NDUFC1: variants seen among roughly 807,000 people sequenced by gnomAD.
NDUFC1 encodes the protein NADH dehydrogenase [ubiquinone] 1 subunit C1, mitochondrial.
In NDUFC1, 11 loss-of-function variants were observed where a neutral mutation model predicts 11.6. That is an observed-to-expected ratio of 0.95 (90% CI 0.60 to 1.58). The LOEUF is 1.58. NDUFC1 is among the 40% of genes most tolerant of loss of function. The pLI, the probability that NDUFC1 is intolerant of heterozygous loss-of-function variation, is 0.00. For synonymous variants in NDUFC1, 52 were observed against 42.2 expected (o/e 1.23, Z -0.90); for missense variants, 112 against 93.0 (o/e 1.20, Z -0.84).
intron 3 of NDUFC1, among the ~76,000 whole-genome samples, chr4:139,295,516 T>G (rs553386306): frequency 6.6e-6 from 1 of 151,570 alleles, no homozygotes; most frequent in East Asian, 1.9e-4. Flanking sequence ...AGGCCAAGAG[T>G]GGTCAGGTTG....
chr4:139,292,563 T>C lies in NDUFC1; in HGVS notation c.218A>G (p.Asn73Ser). Residue 73 changes from asparagine (N) to serine (S), a missense_variant, in exon 5 of 6, where the codon AAT (asparagine) becomes AGT (serine). Transcript: ENST00000394223. Reference sequence around the variant, plus strand: ...TGTTTCAAAAGTTTATTCCAGCCCATTTCTTCTTTTGTACTCTAAAATATC... The same window carrying C: ...TGTTTCAAAAGTTTATTCCAGCCCACTTCTTCTTTTGTACTCTAAAATATC... ...NEDILEYKRR[N>S]GLE 6.4e-7 allele frequency: 1 copy of C among 1,564,180 alleles called. No individual in the cohort carries two copies. The highest frequency in any genetic ancestry group is 8.8e-7 in the Non-Finnish European group (1 of 1,140,996).
chr4:139,300,896 A>C (rs1056660915), intron 1 of NDUFC1: 7 of 152,238 alleles, frequency 4.6e-5, no homozygotes, highest in African/African-American at 1.2e-4. Context: ...TTGGCAGTGC[A>C]AATATGTCAC....
At chr4:139,293,196 G>T (rs1011270771) in intron 4 of NDUFC1, among the ~76,000 whole-genome samples, 1 of 152,180 alleles carries the variant, frequency 6.6e-6, no homozygotes, top group Non-Finnish European at 1.5e-5. Flanking sequence ...GGCTTATCAT[G>T]AAGGGGTAAA....
rs3806765 is a variant in NDUFC1, at chr4:139,301,383, A to G, written c.-222+1033T>C. 102,585 of 418,300 alleles carry G rather than the reference A, an allele frequency of 0.25. 13,365 individuals are homozygous for G. The highest frequency in any genetic ancestry group is 0.35 in the African/African-American group (17,275 of 48,792). 25.9% of individuals were successfully genotyped at this position (418,300 alleles called of 1,614,324 possible). A position where few individuals can be genotyped will look rare whatever the true frequency, so the allele number is the denominator to read the frequency against. ...CCCGACCCTCCCGGCCTCCACAGGC[A>G]GGCCAGCCTCCAGGTTTCCCGGCAA... On this transcript the variant is annotated intron_variant, in intron 1 of 5. Coordinates refer to ENST00000394223, the MANE Select transcript of NDUFC1 (RefSeq NM_001184989.2).
intron 4 of NDUFC1, 128 bp from the exon 5 acceptor site, chr4:139,292,737 G>T (rs1745283834): frequency 8.5e-6 from 4 of 472,130 alleles, no homozygotes; most frequent in Non-Finnish European, 1.4e-5. Context: ...AGATCCAAAA[G>T]TTCAAAAACC....
chr4:139,297,989 G>T (rs1745536052), intron 1 of NDUFC1, among the ~76,000 whole-genome samples: 1 of 151,912 alleles, frequency 6.6e-6, no homozygotes, highest in Non-Finnish European at 1.5e-5. Context: ...AAGATCGCTT[G>T]GACCTGGGAG....
At chr4:139,293,852 C>A (rs780185625) in intron 4 of NDUFC1, among the ~76,000 whole-genome samples, 3 of 150,412 alleles carry the variant, frequency 2.0e-5, no homozygotes, top group Non-Finnish European at 4.4e-5. Flanking sequence ...TTATCTGTAA[C>A]GGGTCAACAA....
chr4:139,292,444 C>T lies in NDUFC1; in HGVS notation c.*20+86G>A, dbSNP rs549177753. 4.3e-5 allele frequency: 24 copies of T among 553,950 alleles called. 1 individual carries two copies. In the Admixed American group the frequency reaches 8.7e-4, roughly 20 times the overall value. The allele number at this position is 553,950 out of a possible 1,614,324, so 34.3% of individuals were successfully genotyped here. Reference sequence around the variant, plus strand: ...TAAAATGTATAAACCTAATACAAAACAAACAACAAGCTTGTTTTTCAGTAT... The same window carrying T: ...TAAAATGTATAAACCTAATACAAAATAAACAACAAGCTTGTTTTTCAGTAT... On this transcript the variant is annotated intron_variant, in intron 5 of 5. Transcript: ENST00000394223.
chr4:139,300,823 ACT>A (rs1214257332), intron 1 of NDUFC1: 3 of 152,264 alleles, frequency 2.0e-5, no homozygotes, highest in African/African-American at 7.2e-5. Context: ...CGGTCCGTCA[ACT>A]CTGCATTATA....
At chr4:139,297,888 A>G (rs1745533123) in intron 1 of NDUFC1, among the ~76,000 whole-genome samples, 1 of 152,252 alleles carries the variant, frequency 6.6e-6, no homozygotes, top group East Asian at 1.9e-4. Flanking sequence ...ACATAGGTAG[A>G]TAACTATCTC....
chr4:139,301,942 C>T, intron 1 of NDUFC1: 1 of 1,178,990 alleles, frequency 8.5e-7, no homozygotes, highest in Non-Finnish European at 1.2e-6. Flanking sequence ...GGGACCCCGC[C>T]TTCATAGCTC....
At chr4:139,292,701 A>C in intron 4 of NDUFC1, 92 bp from the exon 5 acceptor site, 1 of 771,218 alleles carries the variant, frequency 1.3e-6, no homozygotes, top group African/African-American at 1.8e-5. Flanking sequence ...ATAAACAACT[A>C]TTCTAGTTAG....
chr4:139,293,609 T>A (rs369581925), intron 4 of NDUFC1, among the ~76,000 whole-genome samples: 7 of 152,238 alleles, frequency 4.6e-5, no homozygotes, highest in Admixed American at 1.3e-4. Flanking sequence ...AAGTCAAAAA[T>A]CTGAACCACT....
chr4:139,299,713 A>G (rs1174976233), intron 1 of NDUFC1, among the ~76,000 whole-genome samples: 2 of 152,208 alleles, frequency 1.3e-5, no homozygotes, highest in Non-Finnish European at 2.9e-5. Flanking sequence ...GAATCAGACT[A>G]GTATTTGCCG....
At chr4:139,297,729 A>G (rs997230550) in intron 1 of NDUFC1, among the ~76,000 whole-genome samples, 1 of 152,142 alleles carries the variant, frequency 6.6e-6, no homozygotes, top group African/African-American at 2.4e-5. Context: ...AAAAATCCCT[A>G]TTTTTATTGA....
intron 2 of NDUFC1, among the ~76,000 whole-genome samples, 188 bp from the exon 3 acceptor site, chr4:139,296,148 G>A (rs535605151): frequency 3.9e-5 from 6 of 152,282 alleles, no homozygotes; most frequent in African/African-American, 1.4e-4. Context: ...TGAATTCTGT[G>A]GTCCAGGCAC....
Position 139,295,908 on chromosome 4 carries a change from A to G in NDUFC1, c.-110T>C. On this transcript the variant is annotated 5_prime_UTR_variant, in exon 3 of 6. Coordinates refer to ENST00000394223, the MANE Select transcript of NDUFC1 (RefSeq NM_001184989.2). ...GCAGCAGAGCTCCGTGGGGGCGTCA[A>G]CGTGAATTCCAGCACGGCAAGGTTC... The G allele has an allele frequency of 1.8e-6, 2 of 1,137,868 alleles. No individual in the cohort carries two copies. Among genetic ancestry groups the G allele is most frequent in the Non-Finnish European group, 2.5e-6 (2 of 806,186 alleles). 70.5% of individuals were successfully genotyped at this position (1,137,868 alleles called of 1,614,324 possible).
At chr4:139,294,108 A>AT (rs962470734) in intron 4 of NDUFC1, among the ~76,000 whole-genome samples, 19 of 151,136 alleles carry the variant, frequency 1.3e-4, no homozygotes, top group African/African-American at 1.7e-4. Flanking sequence ...CACCTGGCTA[A>AT]TTTTTTTTGT....
chr4:139,293,980 C>T (rs901437246), intron 4 of NDUFC1, among the ~76,000 whole-genome samples: 1 of 118,980 alleles, frequency 8.4e-6, no homozygotes, highest in Non-Finnish European at 1.6e-5. Context: ...CTCGCTGTAT[C>T]TCCCAGGCTG....
Sources: allele counts gnomAD v4.1 joint callset (sites outside exome capture counted in the v4.1 genomes callset), GRCh38; gene constraint gnomAD v4.1.1; transcripts MANE v1.5; gene names NCBI Gene and HGNC (gene_info 2026-07-23, HGNC 2026-07-21).